Variants in GBE1 observed in about 807,000 individuals in gnomAD.
The protein encoded by GBE1 is 1,4-alpha-glucan-branching enzyme.
In GBE1, 70 loss-of-function variants were observed where a neutral mutation model predicts 88.8. That is an observed-to-expected ratio of 0.79 (90% CI 0.65 to 0.96). GBE1 has a LOEUF of 0.96. Among genes scored for constraint, GBE1 ranks in the 40% least tolerant of loss-of-function variants. The pLI is 0.00. For missense variants in GBE1, 872 were observed against 871.0 expected (o/e 1.00, Z -0.01); for synonymous variants, 284 against 300.1 (o/e 0.95, Z 0.56).
chr3:81,587,403 C>T (rs1703816332), intron 9 of GBE1, among the ~76,000 whole-genome samples: 1 of 152,096 alleles, frequency 6.6e-6, no homozygotes, highest in African/African-American at 2.4e-5. Context: ...CTTGCCTAGA[C>T]CATATCCAAA....
At chr3:81,503,140 C>T (rs1702611390) in intron 14 of GBE1, among the ~76,000 whole-genome samples, 1 of 152,106 alleles carries the variant, frequency 6.6e-6, no homozygotes, top group Admixed American at 6.6e-5. Flanking sequence ...CTCCCCCATT[C>T]ATTTACTAAG....
At chr3:81,514,905 T>C (rs1702776483) in intron 14 of GBE1, among the ~76,000 whole-genome samples, 1 of 151,498 alleles carries the variant, frequency 6.6e-6, no homozygotes, top group Non-Finnish European at 1.5e-5. Context: ...AAAAGTAATA[T>C]AACATCCATG....
chr3:81,562,299 T>C (rs1703430836), intron 12 of GBE1, among the ~76,000 whole-genome samples: 1 of 152,094 alleles, frequency 6.6e-6, no homozygotes, highest in Admixed American at 6.6e-5. Flanking sequence ...CACAGTACAA[T>C]ACAAAATTTG....
chr3:81,509,595 T>C (rs1702698960), intron 14 of GBE1: 1 of 151,928 alleles, frequency 6.6e-6, no homozygotes, highest in African/African-American at 2.4e-5. Context: ...CTCTGCCATA[T>C]AGGACCTAGA....
chr3:81,545,154 G>A (rs143479058), intron 12 of GBE1, among the ~76,000 whole-genome samples: 127 of 152,084 alleles, frequency 8.4e-4, no homozygotes, highest in African/African-American at 2.7e-3. Context: ...GTATTGCAGT[G>A]AGTACTTAAC....
intron 3 of GBE1, among the ~76,000 whole-genome samples, chr3:81,667,272 T>C (rs994523427): frequency 6.6e-6 from 1 of 152,174 alleles, no homozygotes; most frequent in African/African-American, 2.4e-5. Flanking sequence ...AAAGGAATGC[T>C]TGTGATTTTC....
chr3:81,498,145 C>T (rs942163853), intron 15 of GBE1, among the ~76,000 whole-genome samples: 7 of 152,236 alleles, frequency 4.6e-5, no homozygotes, highest in Non-Finnish European at 8.8e-5. Context: ...GTAATCCCTG[C>T]TCTTTTCAAT....
chr3:81,756,872 C>CTT (rs1706611178), intron 1 of GBE1, among the ~76,000 whole-genome samples: 1 of 152,160 alleles, frequency 6.6e-6, no homozygotes, highest in Admixed American at 6.5e-5. Context: ...GATACTCAAA[C>CTT]ATTTGTTAAA....
chr3:81,750,724 A>C (rs1706517936), intron 1 of GBE1, among the ~76,000 whole-genome samples: 1 of 131,314 alleles, frequency 7.6e-6, no homozygotes, highest in African/African-American at 3.0e-5. Flanking sequence ...TCTGTCGCCC[A>C]GGCTGGAATA....
chr3:81,613,762 A>G (rs2106997628), intron 7 of GBE1, among the ~76,000 whole-genome samples: 1 of 152,306 alleles, frequency 6.6e-6, no homozygotes, highest in East Asian at 1.9e-4. Context: ...TGGGAGAATC[A>G]GCAGAACCTG....
chr3:81,498,130 T>C (rs999360057), intron 15 of GBE1, among the ~76,000 whole-genome samples: 2 of 152,160 alleles, frequency 1.3e-5, no homozygotes, highest in African/African-American at 4.8e-5. Context: ...AGCAACTCAC[T>C]CTTTGTAATC....
At chr3:81,605,374 A>G (rs1336430648) in intron 7 of GBE1, among the ~76,000 whole-genome samples, 4 of 152,176 alleles carry the variant, frequency 2.6e-5, no homozygotes, top group Non-Finnish European at 5.9e-5. Flanking sequence ...AGAAGTTCCA[A>G]CATCCAGGCA....
rs188819414 is a variant in GBE1, at chr3:81,659,339, T to A, written c.430-9418A>T. On this transcript the variant is annotated intron_variant, in intron 3 of 15. Coordinates refer to ENST00000429644, the MANE Select transcript of GBE1 (RefSeq NM_000158.4). ...CCTAAGCAATCATTCTTTTTTTATTTTTTTTTTATTTTTTTTTAGACAGTC... is the reference window on the plus strand; with the variant it reads ...CCTAAGCAATCATTCTTTTTTTATTATTTTTTTATTTTTTTTTAGACAGTC... 5.5e-3 allele frequency among the ~76,000 whole-genome samples: 841 copies of A among 151,566 alleles called. 6 individuals are homozygous for A. The highest frequency in any genetic ancestry group is 9.3e-3 in the Non-Finnish European group (632 of 67,888).
chr3:81,579,516 G>T (rs1263462150), intron 11 of GBE1, among the ~76,000 whole-genome samples: 1 of 151,824 alleles, frequency 6.6e-6, no homozygotes, highest in African/African-American at 2.4e-5. Context: ...CCACTTATTT[G>T]TTTACTCTTT....
chr3:81,658,948 A>T (rs1704982087), intron 3 of GBE1, among the ~76,000 whole-genome samples: 1 of 152,220 alleles, frequency 6.6e-6, no homozygotes, highest in Non-Finnish European at 1.5e-5. Context: ...AGACTAGAAA[A>T]CAAATGAATT....
At position 81,490,349 on chromosome 3, in the gene GBE1, G is replaced by C; in HGVS notation, c.*58C>G. On this transcript the variant is annotated 3_prime_UTR_variant, in exon 16 of 16. Coordinates refer to ENST00000429644, the MANE Select transcript of GBE1 (RefSeq NM_000158.4). ...CATACATGTTATAAGCTGTGTGACAGTGATAACAAGAAAACAAAACACAAA... is the reference window on the plus strand; with the variant it reads ...CATACATGTTATAAGCTGTGTGACACTGATAACAAGAAAACAAAACACAAA... 1 of 1,318,336 alleles carries C rather than the reference G, an allele frequency of 7.6e-7. No homozygotes were observed. Among genetic ancestry groups the C allele is most frequent in the South Asian group, 1.2e-5 (1 of 85,016 alleles). 81.7% of individuals were successfully genotyped at this position (1,318,336 alleles called of 1,614,324 possible). A position where few individuals can be genotyped will look rare whatever the true frequency, so the allele number is the denominator to read the frequency against.
chr3:81,546,039 T>C (rs1168018004), intron 12 of GBE1, among the ~76,000 whole-genome samples: 1 of 152,200 alleles, frequency 6.6e-6, no homozygotes, highest in Admixed American at 6.5e-5. Context: ...TTATGCAGTA[T>C]TGTTGTTAAT....
At chr3:81,497,086 C>T (rs1322271443) in intron 15 of GBE1, among the ~76,000 whole-genome samples, 1 of 152,166 alleles carries the variant, frequency 6.6e-6, no homozygotes, top group Non-Finnish European at 1.5e-5. Flanking sequence ...ACTGCATTTT[C>T]CACACTGGTG....
intron 2 of GBE1, among the ~76,000 whole-genome samples, chr3:81,682,831 A>G (rs976306044): frequency 4.6e-5 from 7 of 152,250 alleles, no homozygotes; most frequent in African/African-American, 1.7e-4. Context: ...CATAATAGTC[A>G]AAATGTGAAA....
Sources: allele counts gnomAD v4.1 joint callset (sites outside exome capture counted in the v4.1 genomes callset), GRCh38; gene constraint gnomAD v4.1.1; transcripts MANE v1.5; gene names NCBI Gene and HGNC (gene_info 2026-07-23, HGNC 2026-07-21).